The following KCNH8 variants were observed in gnomAD, a reference collection of about 807,000 sequenced individuals.
KCNH8 encodes potassium voltage-gated channel subfamily H member 8.
In KCNH8, 70 loss-of-function variants were observed where a neutral mutation model predicts 103.6. That is an observed-to-expected ratio of 0.68 (90% CI 0.56 to 0.82). The LOEUF (loss-of-function observed/expected upper bound fraction) is 0.82. KCNH8 is among the 40% of genes least tolerant of loss of function. The probability of loss-of-function intolerance (pLI) is 0.00; values close to 1 mark genes in which losing one functional copy is unlikely to be tolerated. For synonymous variants in KCNH8, 498 were observed against 489.4 expected (o/e 1.02, Z -0.23); for missense variants, 1,217 against 1,329.9 (o/e 0.92, Z 1.32).
chr3:19,512,064 T>C (rs941837251), intron 12 of KCNH8, among the ~76,000 whole-genome samples: 1 of 152,106 alleles, frequency 6.6e-6, no homozygotes, highest in African/African-American at 2.4e-5. Context: ...TTATTGATGA[T>C]CAGATATAAG....
chr3:19,446,300 G>A (rs1477362358), intron 8 of KCNH8, among the ~76,000 whole-genome samples: 1 of 151,904 alleles, frequency 6.6e-6, no homozygotes, highest in East Asian at 1.9e-4. Context: ...AAGCTTCCTA[G>A]TAAAGATCGT....
intron 2 of KCNH8, among the ~76,000 whole-genome samples, chr3:19,277,759 G>A (rs1402960869): frequency 6.6e-6 from 1 of 152,018 alleles, no homozygotes; most frequent in Non-Finnish European, 1.5e-5. Flanking sequence ...TTCCATATAA[G>A]GTAAAAACCT....
intron 3 of KCNH8, among the ~76,000 whole-genome samples, chr3:19,313,746 T>C (rs1166791923): frequency 6.6e-6 from 1 of 151,800 alleles, no homozygotes; most frequent in African/African-American, 2.4e-5. Context: ...AGAAACACTT[T>C]CTAAGAAGTG....
At chr3:19,324,863 A>G (rs530069050) in intron 3 of KCNH8, among the ~76,000 whole-genome samples, 10 of 152,334 alleles carry the variant, frequency 6.6e-5, no homozygotes, top group African/African-American at 2.2e-4. Context: ...GAACCAAAAA[A>G]GGGCCCAAAC....
intron 11 of KCNH8, among the ~76,000 whole-genome samples, chr3:19,506,974 G>GC (rs1459713051): frequency 6.6e-6 from 1 of 152,154 alleles, no homozygotes; most frequent in Non-Finnish European, 1.5e-5. Flanking sequence ...TCCGAGGGCA[G>GC]CAAGAGCAGT....
chr3:19,508,254 G>A (rs1245707391), intron 11 of KCNH8, among the ~76,000 whole-genome samples: 1 of 152,082 alleles, frequency 6.6e-6, no homozygotes, highest in East Asian at 1.9e-4. Flanking sequence ...TATTCTGCTT[G>A]ACTCTTGACC....
chr3:19,195,270 C>G (rs1210390274), intron 1 of KCNH8, among the ~76,000 whole-genome samples: 2 of 151,902 alleles, frequency 1.3e-5, no homozygotes, highest in Admixed American at 1.3e-4. Context: ...TTCTAAGATG[C>G]CAGTGTGTTA....
chr3:19,469,080 A>C (rs2067801561), intron 11 of KCNH8, among the ~76,000 whole-genome samples: 1 of 152,222 alleles, frequency 6.6e-6, no homozygotes, highest in Non-Finnish European at 1.5e-5. Flanking sequence ...TTAATTCTTC[A>C]AAAGTAGCCT....
In KCNH8 at chr3:19,534,028, T is replaced by C. The variant is rs920350911; in HGVS notation, c.3253T>C (p.Leu1085=). The stretch of plus-strand genomic sequence containing the variant: ...AATGGCATCAGCTTCTACAAAACCT[T>C]TGGAGAACCTTCCACTGGAAGTTGT... The part of the protein sequence containing the change: ...EGMASASTKP[L]ENLPLEVVTS... The change falls in exon 16 of 16, where the codon TTG becomes CTG. Residue 1085 remains leucine, a synonymous_variant. Transcript: ENST00000328405. 8.7e-6 allele frequency: 14 copies of C among 1,613,984 alleles called. No homozygotes were observed. In the African/African-American group the frequency reaches 1.9e-4, roughly 22 times the overall value.
chr3:19,382,191 T>C (rs1199061756), intron 5 of KCNH8, among the ~76,000 whole-genome samples: 2 of 152,148 alleles, frequency 1.3e-5, no homozygotes, highest in Non-Finnish European at 2.9e-5. Context: ...ATTCTAAAAA[T>C]TAACTAAGTT....
At position 19,518,369 on chromosome 3, in the gene KCNH8, A is replaced by C. The variant is rs181698304; in HGVS notation, c.2619+295A>C. 5.3e-5 allele frequency among the ~76,000 whole-genome samples: 8 copies of C among 152,166 alleles called. No homozygotes were observed. In the East Asian group the frequency reaches 1.4e-3, roughly 26 times the overall value. On this transcript the variant is annotated intron_variant, in intron 15 of 15. Transcript: ENST00000328405. ...AATCATTTAGCATGAAGTGTCTTAG[A>C]TATATGCATATTTGGTTTAATTGGT... is the stretch of plus-strand genomic sequence containing the variant.
At chr3:19,381,654 G>A (rs945930855) in intron 5 of KCNH8, among the ~76,000 whole-genome samples, 4 of 151,526 alleles carry the variant, frequency 2.6e-5, no homozygotes, top group African/African-American at 9.7e-5. Context: ...TAATCATAAG[G>A]AAAATGAAAA....
intron 3 of KCNH8, among the ~76,000 whole-genome samples, chr3:19,299,875 G>A (rs2125288582): frequency 6.6e-6 from 1 of 151,920 alleles, no homozygotes; most frequent in South Asian, 2.1e-4. Context: ...TAATGTTTTA[G>A]TATTATTTTA....
intron 11 of KCNH8, among the ~76,000 whole-genome samples, chr3:19,485,281 C>T (rs943986805): frequency 4.6e-5 from 7 of 152,324 alleles, no homozygotes; most frequent in African/African-American, 1.7e-4. Context: ...TAAGTACACA[C>T]AAGAACCAGC....
intron 11 of KCNH8, among the ~76,000 whole-genome samples, chr3:19,495,886 T>C (rs1005176199): frequency 6.6e-6 from 1 of 152,162 alleles, no homozygotes; most frequent in Non-Finnish European, 1.5e-5. Context: ...GAGCGGTGTT[T>C]TATAATTCTC....
intron 1 of KCNH8, among the ~76,000 whole-genome samples, chr3:19,213,831 T>C (rs2063792951): frequency 1.3e-5 from 2 of 152,200 alleles, no homozygotes; most frequent in African/African-American, 2.4e-5. Context: ...GTCCTGGTAT[T>C]GGCCATGTGG....
intron 5 of KCNH8, among the ~76,000 whole-genome samples, chr3:19,387,933 G>GTT (rs1253224316): frequency 2.7e-5 from 4 of 148,732 alleles, no homozygotes; most frequent in African/African-American, 9.9e-5. Context: ...GAAAATACCT[G>GTT]TTGTTTTTTT....
chr3:19,208,021 T>G (rs1017296043), intron 1 of KCNH8, among the ~76,000 whole-genome samples: 2 of 152,068 alleles, frequency 1.3e-5, no homozygotes, highest in African/African-American at 4.8e-5. Flanking sequence ...ATTCTAAGAA[T>G]TATTAAAATA....
intron 7 of KCNH8, among the ~76,000 whole-genome samples, chr3:19,397,232 C>T (rs1310226092): frequency 6.6e-6 from 1 of 151,796 alleles, no homozygotes; most frequent in Non-Finnish European, 1.5e-5. Flanking sequence ...GGTTGTAAGC[C>T]AGAAACCAAT....
Sources: allele counts gnomAD v4.1 joint callset (sites outside exome capture counted in the v4.1 genomes callset), GRCh38; gene constraint gnomAD v4.1.1; transcripts MANE v1.5; gene names NCBI Gene and HGNC (gene_info 2026-07-23, HGNC 2026-07-21).